WNK3: variants seen among roughly 807,000 people sequenced by gnomAD.
WNK3 encodes WNK lysine deficient protein kinase 3.
WNK3 carries 18 observed loss-of-function variants against 116.7 expected under a neutral mutation model. That is an observed-to-expected ratio of 0.15 (90% CI 0.11 to 0.23). The LOEUF is 0.23. WNK3 is among the 10% of genes least tolerant of loss of function. The pLI is 1.00. For missense variants in WNK3, 993 were observed against 1,323.8 expected (o/e 0.75, Z 3.88); for synonymous variants, 404 against 469.4 (o/e 0.86, Z 1.80).
At chrX:54,325,257 T>C (rs1157347541) in intron 2 of WNK3, among the ~76,000 whole-genome samples, 1 of 111,541 alleles carries the variant, frequency 9.0e-6, no homozygotes, top group African/African-American at 3.3e-5. Flanking sequence ...CAAAGGTCTG[T>C]TACCCTCCAA....
intron 1 of WNK3, among the ~76,000 whole-genome samples, chrX:54,335,397 T>G (rs1333673617): frequency 1.8e-5 from 2 of 112,387 alleles, no homozygotes; most frequent in Non-Finnish European, 3.7e-5. Flanking sequence ...TCTGCTTTTT[T>G]GTATTTTCTA....
At chrX:54,349,026 C>T (rs142700750) in intron 1 of WNK3, among the ~76,000 whole-genome samples, 24 of 112,208 alleles carry the variant, frequency 2.1e-4, no homozygotes, top group Non-Finnish European at 3.9e-4. Context: ...GTAATCATTA[C>T]AAAATGTAAT....
At chrX:54,234,826 A>C (rs1332476323) in intron 20 of WNK3, among the ~76,000 whole-genome samples, 1 of 98,754 alleles carries the variant, frequency 1.0e-5, no homozygotes, top group Non-Finnish European at 2.1e-5. Flanking sequence ...ACTCCGTCTC[A>C]AAAAAAAAAA....
At chrX:54,311,047 T>C (rs1557169571) in intron 3 of WNK3, 72 bp downstream of exon 3, 1 of 816,163 alleles carries the variant, frequency 1.2e-6, no homozygotes, top group Non-Finnish European at 1.7e-6. Flanking sequence ...AGTTTTATTT[T>C]ATAAAAATTG....
chrX:54,210,116 T>C (rs2067597257), intron 22 of WNK3, among the ~76,000 whole-genome samples: 1 of 111,538 alleles, frequency 9.0e-6, no homozygotes, highest in Non-Finnish European at 1.9e-5. Context: ...GGGAAAAAGA[T>C]GAAATGTCAG....
At chrX:54,209,708 G>A (rs904338362) in intron 22 of WNK3, among the ~76,000 whole-genome samples, 11 of 106,889 alleles carry the variant, frequency 1.0e-4, no homozygotes, top group Admixed American at 9.2e-4. Context: ...CTGCCACCAC[G>A]TCTGGCTAGT....
chrX:54,198,749 C>T, intron 23 of WNK3, 96 bp from the exon 24 acceptor site: 3 of 651,076 alleles, frequency 4.6e-6, no homozygotes, highest in Non-Finnish European at 4.4e-6. Flanking sequence ...TCTATTGCTG[C>T]TGCACAAATG....
chrX:54,328,958 T>C (rs1413135714), intron 2 of WNK3, among the ~76,000 whole-genome samples: 1 of 111,475 alleles, frequency 9.0e-6, no homozygotes, highest in Non-Finnish European at 1.9e-5. Context: ...CCCAGCATCT[T>C]GGGAACTTTT....
chrX:54,233,280 A>C (rs1035947693), intron 20 of WNK3, among the ~76,000 whole-genome samples: 5 of 104,176 alleles, frequency 4.8e-5, no homozygotes, highest in Admixed American at 4.2e-4. Flanking sequence ...AAAAAAAAAA[A>C]TACAAAAATT....
intron 1 of WNK3, among the ~76,000 whole-genome samples, chrX:54,352,872 T>C (rs1378383859): frequency 8.9e-6 from 1 of 111,800 alleles, no homozygotes; most frequent in Non-Finnish European, 1.9e-5. Context: ...GGTATATCCA[T>C]ACAAAGGAAT....
intron 10 of WNK3, among the ~76,000 whole-genome samples, chrX:54,287,578 A>G (rs62615751): frequency 0.011 from 1,226 of 111,929 alleles, 15 homozygotes; most frequent in Non-Finnish European, 0.016. Context: ...GTTATTGACA[A>G]TCTTTCCCCA....
At chrX:54,333,492 T>C in exon 2 of WNK3, 1 of 1,211,704 alleles carries the variant, frequency 8.3e-7, no homozygotes, top group Non-Finnish European at 1.1e-6. Context: ...TTCAACACTC[T>C]TTCGGAAAAA....
intron 22 of WNK3, among the ~76,000 whole-genome samples, chrX:54,224,772 T>C (rs1420635651): frequency 1.8e-5 from 2 of 110,475 alleles, no homozygotes; most frequent in Non-Finnish European, 3.8e-5. Context: ...GGTTTCACCA[T>C]GTTAGCCAGG....
At chrX:54,285,819 T>C (rs782523594) in intron 10 of WNK3, among the ~76,000 whole-genome samples, 1 of 112,398 alleles carries the variant, frequency 8.9e-6, no homozygotes, top group South Asian at 3.6e-4. Context: ...TTTTACTGTA[T>C]ATACATTTAA....
intron 22 of WNK3, among the ~76,000 whole-genome samples, chrX:54,209,687 A>G (rs1230287093): frequency 9.6e-6 from 1 of 104,366 alleles, no homozygotes; most frequent in Non-Finnish European, 1.9e-5. Flanking sequence ...AGTAGGTGGG[A>G]TTACAGGTGT....
At chrX:54,271,063 G>A (rs1047096107) in intron 10 of WNK3, among the ~76,000 whole-genome samples, 3 of 112,154 alleles carry the variant, frequency 2.7e-5, no homozygotes, top group African/African-American at 6.5e-5. Context: ...ACAGGCGTGA[G>A]CCACTGCGCC....
At chrX:54,303,692 A>T (rs782280514) in intron 5 of WNK3, among the ~76,000 whole-genome samples, 3 of 111,901 alleles carry the variant, frequency 2.7e-5, no homozygotes, top group East Asian at 2.8e-4. Flanking sequence ...TCACTATTCA[A>T]AAAATAGACC....
intron 13 of WNK3, among the ~76,000 whole-genome samples, chrX:54,253,292 G>T (rs1265870908): frequency 9.1e-6 from 1 of 110,387 alleles, no homozygotes; most frequent in Non-Finnish European, 1.9e-5. Context: ...TTGAGACAGG[G>T]TCTTGCTCTG....
chrX:54,327,373 C>T (rs2069118326), intron 2 of WNK3, among the ~76,000 whole-genome samples: 1 of 111,100 alleles, frequency 9.0e-6, no homozygotes, highest in Non-Finnish European at 1.9e-5. Flanking sequence ...CTCTAGAAGC[C>T]AGGAGTTCGA....
Sources: gnomAD v4.1 joint callset for allele counts (sites outside exome capture counted in the v4.1 genomes callset) on GRCh38, gnomAD v4.1.1 for gene constraint, MANE v1.5 for transcripts, NCBI Gene and HGNC (gene_info 2026-07-23, HGNC 2026-07-21) for gene names.